Variants in CTSS observed in about 807,000 individuals in gnomAD.
The protein encoded by CTSS is cathepsin S.
CTSS carries 15 observed loss-of-function variants against 39.9 expected under a neutral mutation model. That is an observed-to-expected ratio of 0.38 (90% CI 0.25 to 0.58). The LOEUF (loss-of-function observed/expected upper bound fraction) is 0.58, where lower values mean the gene tolerates loss of function less well. CTSS is among the 20% of genes least tolerant of loss of function. The probability of loss-of-function intolerance (pLI) is 0.70; values close to 1 mark genes in which losing one functional copy is unlikely to be tolerated. For synonymous variants in CTSS, 126 were observed against 138.2 expected (o/e 0.91, Z 0.62); for missense variants, 250 against 398.2 (o/e 0.63, Z 3.17).
At chr1:150,753,228 T>C (rs1653043830) in intron 4 of CTSS, among the ~76,000 whole-genome samples, 1 of 152,198 alleles carries the variant, frequency 6.6e-6, no homozygotes, top group South Asian at 2.1e-4. Flanking sequence ...AATGCTTTGA[T>C]TCCTCTCACT....
Position 150,732,898 on chromosome 1 carries a change from C to T in CTSS, c.*148G>A, listed in dbSNP as rs1141835. ...TACTGGGATTACAGGCGTGAGCCAC[C>T]GTGCCCGGCCTCAAACTATATTTTC... On this transcript the variant is annotated 3_prime_UTR_variant, in exon 8 of 8. Coordinates refer to ENST00000368985, the MANE Select transcript of CTSS (RefSeq NM_004079.5). 6 of 575,054 alleles carry T rather than the reference C, an allele frequency of 1.0e-5. No homozygotes were observed. Among genetic ancestry groups the T allele is most frequent in the South Asian group, 4.6e-5 (2 of 43,520 alleles). The allele number at this position is 575,054 out of a possible 1,614,324, so 35.6% of individuals were successfully genotyped here.
At chr1:150,734,070 C>T (rs1652580233) in intron 7 of CTSS, among the ~76,000 whole-genome samples, 2 of 151,314 alleles carry the variant, frequency 1.3e-5, no homozygotes, top group Admixed American at 1.3e-4. Flanking sequence ...CTCTTGTTGC[C>T]CAGACTGGAG....
intron 7 of CTSS, among the ~76,000 whole-genome samples, chr1:150,743,560 TG>T (rs373568087): frequency 7.5e-6 from 1 of 134,028 alleles, no homozygotes; most frequent in Non-Finnish European, 1.6e-5. Context: ...GAGATTTATA[TG>T]TATGTATACA....
At chr1:150,733,210 A>G in intron 7 of CTSS, 65 bp from the exon 8 acceptor site, 1 of 1,255,290 alleles carries the variant, frequency 8.0e-7, no homozygotes, top group Non-Finnish European at 1.1e-6. Context: ...TCAACTTTTT[A>G]TCTCATTGTT....
chr1:150,756,119 T>C (rs1367502567), intron 3 of CTSS, among the ~76,000 whole-genome samples: 1 of 152,168 alleles, frequency 6.6e-6, no homozygotes, highest in African/African-American at 2.4e-5. Flanking sequence ...TTTACACTTT[T>C]TTGTTAAAAA....
rs587638856 is a variant in CTSS at position 150,757,785 on chromosome 1, T to C, written c.249+73A>G. 3.3e-6 allele frequency: 5 copies of C among 1,506,170 alleles called. No homozygotes were observed. The South Asian group carries it at 5.9e-5, about 18-fold the overall frequency. The allele number at this position is 1,506,170 out of a possible 1,614,324, so 93.3% of individuals were successfully genotyped here. A position where few individuals can be genotyped will look rare whatever the true frequency, so the allele number is the denominator to read the frequency against. ...TTTGTTATTGTTGTTTACCTTCAAA[T>C]TGCTTTTGGGGAGACAGAAAGGAAA... On this transcript the variant is annotated intron_variant, in intron 3 of 7. Transcript: ENST00000368985.
At position 150,732,765 on chromosome 1, in the gene CTSS, G is replaced by A. The variant is rs934996463; in HGVS notation, c.*281C>T. Reference sequence around the variant, plus strand: ...TGGGATTACAGGCATGCACCACCGTGCTCGGCTAATTTTTTGTATTTTTAG... The same window carrying A: ...TGGGATTACAGGCATGCACCACCGTACTCGGCTAATTTTTTGTATTTTTAG... On this transcript the variant is annotated 3_prime_UTR_variant, in exon 8 of 8. Coordinates refer to ENST00000368985, the MANE Select transcript of CTSS (RefSeq NM_004079.5). The A allele has an allele frequency of 1.2e-5, 3 of 248,304 alleles. No homozygotes were observed. Among genetic ancestry groups the A allele is most frequent in the South Asian group, 1.0e-4 (2 of 19,850 alleles). 15.4% of individuals were successfully genotyped at this position (248,304 alleles called of 1,614,324 possible). A position where few individuals can be genotyped will look rare whatever the true frequency, so the allele number is the denominator to read the frequency against.
intron 6 of CTSS, among the ~76,000 whole-genome samples, chr1:150,749,616 T>TGCCCTGCCCC (rs1491401743): frequency 1.3e-5 from 1 of 77,180 alleles, no homozygotes; most frequent in African/African-American, 5.0e-5. Context: ...TGCCCTGCCC[T>TGCCCTGCCCC]GCCCTGCCCC....
chr1:150,747,421 T>C (rs1466802301), intron 7 of CTSS, among the ~76,000 whole-genome samples: 1 of 152,072 alleles, frequency 6.6e-6, no homozygotes, highest in African/African-American at 2.4e-5. Context: ...AGAGTGGAAT[T>C]ATAGCACCCA....
rs760066829 is a variant in CTSS at position 150,752,019 on chromosome 1, T to C, written c.400-11A>G. On this transcript the variant is annotated splice_polypyrimidine_tract_variant and intron_variant, in intron 4 of 7. Transcript: ENST00000368985. ...AGCACCACAAGAACCCTAAAACAGA[T>C]ACAAGGTCACAAACGCAAATCACAG... 1.2e-6 allele frequency: 2 copies of C among 1,612,728 alleles called. No individual in the cohort carries two copies. The highest frequency in any genetic ancestry group is 2.7e-5 in the African/African-American group (2 of 74,834).
chr1:150,757,968 C>T lies in CTSS; in HGVS notation c.139G>A (p.Val47Ile). The change falls in exon 3 of 8, where the codon GTA becomes ATA. Residue 47 changes from valine (V) to isoleucine (I), a missense_variant. Physicochemically the swap from Val to Ile is conservative, Grantham distance 29. Transcript: ENST00000368985. Reference protein sequence around the residue: ...KQYKEKNEEAVRRLIWEKNLK... With the variant: ...KQYKEKNEEAIRRLIWEKNLK... Reference sequence around the variant, plus strand: ...TTCTTTTCCCAGATGAGACGTCGTACTGCTTCTTCATTCTAAAACATAATG... The same window carrying T: ...TTCTTTTCCCAGATGAGACGTCGTATTGCTTCTTCATTCTAAAACATAATG... 1.9e-6 allele frequency: 3 copies of T among 1,613,746 alleles called. No individual in the cohort carries two copies. Among genetic ancestry groups the T allele is most frequent in the Non-Finnish European group, 2.5e-6 (3 of 1,179,866 alleles).
At position 150,749,993 on chromosome 1, in the gene CTSS, T is replaced by C. The variant is rs764173687; in HGVS notation, c.793+13A>G. ...TTCTTTAAATTCTAATTATTGTTTA[T>C]TTTATTTTTTACCACTTCTGTAGAG... On this transcript the variant is annotated intron_variant, in intron 6 of 7. Transcript: ENST00000368985. 2.7e-5 allele frequency: 43 copies of C among 1,581,386 alleles called. No individual in the cohort carries two copies. The highest frequency in any genetic ancestry group is 3.6e-5 in the Non-Finnish European group (42 of 1,159,548).
At chr1:150,746,747 A>G (rs1652903681) in intron 7 of CTSS, among the ~76,000 whole-genome samples, 1 of 152,224 alleles carries the variant, frequency 6.6e-6, no homozygotes, top group Admixed American at 6.5e-5. Context: ...TATTACAGAT[A>G]AAGTGGAATG....
intron 3 of CTSS, among the ~76,000 whole-genome samples, chr1:150,755,702 T>G (rs1258618962): frequency 1.3e-5 from 2 of 151,294 alleles, no homozygotes; most frequent in East Asian, 3.9e-4. Context: ...ATCGCGCCAG[T>G]GCACTCCAGC....
intron 7 of CTSS, among the ~76,000 whole-genome samples, chr1:150,746,327 T>C (rs587614260): frequency 5.3e-5 from 8 of 152,264 alleles, no homozygotes; most frequent in African/African-American, 1.9e-4. Context: ...GTCTCAACTC[T>C]TCATATTTCC....
intron 2 of CTSS, among the ~76,000 whole-genome samples, chr1:150,760,462 C>T (rs1316887514): frequency 6.6e-6 from 1 of 152,212 alleles, no homozygotes; most frequent in African/African-American, 2.4e-5. Flanking sequence ...AGGGTACCCA[C>T]TCTCACCATT....
At chr1:150,743,305 G>C (rs1652806808) in intron 7 of CTSS, among the ~76,000 whole-genome samples, 2 of 151,520 alleles carry the variant, frequency 1.3e-5, no homozygotes, top group Admixed American at 1.3e-4. Flanking sequence ...CCATACATCT[G>C]GAAACTTGAT....
At chr1:150,744,528 G>A (rs1056024115) in intron 7 of CTSS, among the ~76,000 whole-genome samples, 13 of 95,046 alleles carry the variant, frequency 1.4e-4, no homozygotes, top group African/African-American at 4.8e-4. Context: ...TGTATATTAT[G>A]TATACATAAT....
At position 150,751,931 on chromosome 1, in the gene CTSS, C is replaced by A; in HGVS notation, c.477G>T (p.Leu159=). Residue 159 remains leucine, a synonymous_variant, in exon 5 of 8, where the codon CTG becomes CTT. Transcript: ENST00000368985. The part of the protein sequence containing the change: ...EAQLKLKTGK[L]VSLSAQNLVD... ...CCAGGTTCTGGGCACTGAGAGACAC[C>A]AGCTTTCCTGTTTTCAGCTTCAGCT... 1 of 1,614,170 alleles carries A rather than the reference C, an allele frequency of 6.2e-7. No homozygotes were observed. Among genetic ancestry groups the A allele is most frequent in the Non-Finnish European group, 8.5e-7 (1 of 1,180,038 alleles).
Sources: allele counts gnomAD v4.1 joint callset (sites outside exome capture counted in the v4.1 genomes callset), GRCh38; gene constraint gnomAD v4.1.1; transcripts MANE v1.5; gene names NCBI Gene and HGNC (gene_info 2026-07-23, HGNC 2026-07-21).